The following NRXN3 variants were observed in gnomAD, a reference collection of about 807,000 sequenced individuals.
NRXN3 encodes the protein neurexin III.
In NRXN3, 32 loss-of-function variants were observed where a neutral mutation model predicts 137.6. The observed-to-expected ratio is 0.23, with a 90% CI of 0.18 to 0.31. The LOEUF (loss-of-function observed/expected upper bound fraction) is 0.31. Ranked by LOEUF, NRXN3 falls within the 10% of genes least tolerant of loss-of-function variation. NRXN3 has a pLI of 1.00. For synonymous variants in NRXN3, 798 were observed against 784.5 expected, an observed-to-expected ratio of 1.02 and a Z score of -0.29; for missense variants, 1,574 against 2,062.5, an observed-to-expected ratio of 0.76 and a Z score of 4.59.
At chr14:78,649,158 C>A in intron 5 of NRXN3, 1 of 631,258 alleles carries the variant, frequency 1.6e-6, no homozygotes, top group Non-Finnish European at 2.5e-6. Context: ...ATTTTACTAA[C>A]CGACTAATGT....
chr14:79,045,717 A>G (rs547409714), intron 15 of NRXN3, among the ~76,000 whole-genome samples: 2 of 152,320 alleles, frequency 1.3e-5, no homozygotes, highest in South Asian at 4.1e-4. Flanking sequence ...CCTATAGGAA[A>G]TATTTGGTGA....
intron 4 of NRXN3, among the ~76,000 whole-genome samples, chr14:78,430,861 G>A (rs2093851036): frequency 6.6e-6 from 1 of 152,168 alleles, no homozygotes; most frequent in Non-Finnish European, 1.5e-5. Context: ...ATTTTGGGGA[G>A]TCGATTTTAT....
intron 19 of NRXN3, among the ~76,000 whole-genome samples, chr14:79,766,370 C>T (rs1357736795): frequency 6.6e-6 from 1 of 152,144 alleles, no homozygotes; most frequent in Non-Finnish European, 1.5e-5. Flanking sequence ...AGGTTGTCCG[C>T]ATCTTATGTA....
At chr14:79,211,641 T>A (rs1278537289) in intron 15 of NRXN3, among the ~76,000 whole-genome samples, 1 of 152,174 alleles carries the variant, frequency 6.6e-6, no homozygotes, top group Non-Finnish European at 1.5e-5. Flanking sequence ...TTTTAAATCC[T>A]GTTCTCTTAA....
chr14:79,617,916 G>GAAAAAAAAAAAAAA (rs2098175722), intron 16 of NRXN3, among the ~76,000 whole-genome samples: 1 of 64,302 alleles, frequency 1.6e-5, no homozygotes, highest in African/African-American at 2.6e-4. Flanking sequence ...CTGAATAGCA[G>GAAAAAAAAAAAAAA]CAAAAAAAAA....
intron 19 of NRXN3, among the ~76,000 whole-genome samples, chr14:79,796,576 A>G (rs1415100534): frequency 1.3e-5 from 2 of 152,210 alleles, no homozygotes; most frequent in Non-Finnish European, 2.9e-5. Flanking sequence ...TAATCCTAGA[A>G]GACCTCAAGG....
intron 10 of NRXN3, among the ~76,000 whole-genome samples, chr14:78,926,050 C>G (rs1161785900): frequency 2.0e-5 from 3 of 152,048 alleles, no homozygotes; most frequent in African/African-American, 7.2e-5. Context: ...CTCCCAAGAC[C>G]ACAGAATAAG....
At chr14:79,349,402 C>T (rs575998151) in intron 15 of NRXN3, among the ~76,000 whole-genome samples, 29 of 151,224 alleles carry the variant, frequency 1.9e-4, no homozygotes, top group Admixed American at 1.6e-3. Flanking sequence ...TTCCAGAAAA[C>T]GAACTAGACA....
chr14:79,282,155 C>T (rs1055379629), intron 15 of NRXN3, among the ~76,000 whole-genome samples: 4 of 151,338 alleles, frequency 2.6e-5, no homozygotes, highest in African/African-American at 9.7e-5. Flanking sequence ...GAGCCACAAC[C>T]ACCAAAAAAG....
rs772434409 is a variant in NRXN3, at chr14:79,865,926, C to T, written c.*3962C>T. 1 of 152,198 alleles carries T rather than the reference C, an allele frequency of 6.6e-6. No individual in the cohort carries two copies. Among genetic ancestry groups the T allele is most frequent in the Admixed American group, 6.5e-5 (1 of 15,280 alleles). 9.4% of individuals were successfully genotyped at this position (152,198 alleles called of 1,614,324 possible). On this transcript the variant is annotated 3_prime_UTR_variant, in exon 21 of 21. Transcript: ENST00000335750. The stretch of plus-strand genomic sequence containing the variant: ...ATGCTGGGATTATAGGTGTGAGCCA[C>T]TCCTCCTGAAATCTTTCTAAATCTC...
At chr14:78,695,547 A>C (rs933904707) in intron 6 of NRXN3, 2 of 152,058 alleles carry the variant, frequency 1.3e-5, no homozygotes, top group Admixed American at 1.3e-4. Flanking sequence ...TGTATATGGC[A>C]ACATTCCCAA....
At chr14:79,741,129 A>G (rs2098961753) in intron 19 of NRXN3, among the ~76,000 whole-genome samples, 1 of 152,106 alleles carries the variant, frequency 6.6e-6, no homozygotes, top group Non-Finnish European at 1.5e-5. Flanking sequence ...AAAAATAAAA[A>G]TATCTGGCTC....
intron 15 of NRXN3, among the ~76,000 whole-genome samples, chr14:79,438,870 T>G (rs547044908): frequency 6.6e-6 from 1 of 152,196 alleles, no homozygotes; most frequent in Non-Finnish European, 1.5e-5. Context: ...CCCGATGACT[T>G]CACTTATGCC....
chr14:79,163,793 C>G (rs576966450), intron 15 of NRXN3, among the ~76,000 whole-genome samples: 6 of 152,026 alleles, frequency 3.9e-5, no homozygotes, highest in African/African-American at 1.4e-4. Flanking sequence ...ATTCAATGAA[C>G]TGCAAAAGGT....
rs145159398 is a variant in NRXN3, at chr14:78,640,020, G to A, written c.758-5100G>A. ...ATGTTTTCATTTTCAGTCCTTTCTT[G>A]ACTAATTCTTTGTCTTTTTCTGCCA... On this transcript the variant is annotated intron_variant, in intron 4 of 20. Coordinates refer to ENST00000335750, the MANE Select transcript of NRXN3 (RefSeq NM_001330195.2). Among the ~76,000 whole-genome samples, 291 of 152,172 alleles carry A rather than the reference G, an allele frequency of 1.9e-3. 2 individuals carry two copies. The highest frequency in any genetic ancestry group is 6.6e-3 in the African/African-American group (275 of 41,512).
chr14:79,140,820 T>A (rs1462331114), intron 15 of NRXN3, among the ~76,000 whole-genome samples: 2 of 152,158 alleles, frequency 1.3e-5, no homozygotes, highest in African/African-American at 2.4e-5. Context: ...AACAAAACCT[T>A]GTCCTTATTA....
chr14:78,312,632 T>A (rs1255473157), intron 4 of NRXN3, among the ~76,000 whole-genome samples: 2 of 152,196 alleles, frequency 1.3e-5, no homozygotes, highest in East Asian at 1.9e-4. Flanking sequence ...CCAGTATCAT[T>A]TCTGGGTTTT....
At chr14:79,405,954 A>T (rs748276439) in intron 15 of NRXN3, among the ~76,000 whole-genome samples, 18 of 152,218 alleles carry the variant, frequency 1.2e-4, no homozygotes, top group Admixed American at 6.5e-5. Context: ...CCATTCAACA[A>T]GTATTTAATG....
chr14:78,375,380 A>C (rs1257032620), intron 4 of NRXN3, among the ~76,000 whole-genome samples: 1 of 152,290 alleles, frequency 6.6e-6, no homozygotes, highest in East Asian at 1.9e-4. Flanking sequence ...CTCACCTTTC[A>C]ATATTTATAG....
Sources: allele counts gnomAD v4.1 joint callset (sites outside exome capture counted in the v4.1 genomes callset), GRCh38; gene constraint gnomAD v4.1.1; transcripts MANE v1.5; gene names NCBI Gene and HGNC (gene_info 2026-07-23, HGNC 2026-07-21).